MDN1: variants seen among roughly 807,000 people sequenced by gnomAD.
MDN1 encodes the protein midasin.
Under a neutral mutation model 669.2 loss-of-function variants are expected in MDN1, and 266 were observed. The observed-to-expected ratio is 0.40, with a 90% CI of 0.36 to 0.44. The LOEUF (loss-of-function observed/expected upper bound fraction) is 0.44. MDN1 is among the 20% of genes least tolerant of loss of function. The pLI, the probability that MDN1 is intolerant of heterozygous loss-of-function variation, is 1.00. For missense variants in MDN1, 5,940 were observed against 6,754.0 expected (o/e 0.88, Z 4.22); for synonymous variants, 2,385 against 2,457.1 (o/e 0.97, Z 0.87).
chr6:89,791,447 T>C (rs952238232), intron 5 of MDN1, among the ~76,000 whole-genome samples: 1 of 152,216 alleles, frequency 6.6e-6, no homozygotes, highest in Non-Finnish European at 1.5e-5. Flanking sequence ...TAAAATACTA[T>C]GATGCCTGGT....
At chr6:89,709,709 T>C (rs552498348) in intron 50 of MDN1, among the ~76,000 whole-genome samples, 1 of 152,326 alleles carries the variant, frequency 6.6e-6, no homozygotes, top group East Asian at 1.9e-4. Context: ...AGGTAGAAAA[T>C]TTTAAATCTG....
rs878918544 is a variant in MDN1, at chr6:89,707,226, G to A, written c.8014+135C>T. 9.3e-6 allele frequency: 6 copies of A among 643,972 alleles called. No individual in the cohort carries two copies. In the South Asian group the frequency reaches 9.5e-5, roughly 10 times the overall value. The allele number at this position is 643,972 out of a possible 1,614,324, so 39.9% of individuals were successfully genotyped here. A position where few individuals can be genotyped will look rare whatever the true frequency, so the allele number is the denominator to read the frequency against. ...TGTTAGTCATTACTATTGAGTAAGG[G>A]GACATGTTTAAAATCAGGCCAGCAG... On this transcript the variant is annotated intron_variant, in intron 52 of 101. Transcript: ENST00000369393.
At chr6:89,753,741 T>A in intron 21 of MDN1, 119 bp from the exon 22 acceptor site, 2 of 830,420 alleles carry the variant, frequency 2.4e-6, no homozygotes, top group Non-Finnish European at 4.0e-6. Context: ...TTAAATATAG[T>A]AAGGTGGTAG....
chr6:89,782,383 T>G (rs1818718319), intron 9 of MDN1, among the ~76,000 whole-genome samples: 1 of 151,758 alleles, frequency 6.6e-6, no homozygotes, highest in African/African-American at 2.4e-5. Context: ...ATTGCCTGAG[T>G]CCAAGAGTTT....
intron 88 of MDN1, among the ~76,000 whole-genome samples, chr6:89,660,560 G>A (rs544642592): frequency 3.3e-5 from 5 of 150,796 alleles, no homozygotes; most frequent in Non-Finnish European, 5.9e-5. Flanking sequence ...GTTACAAAAC[G>A]AGTCTGGCTA....
chr6:89,813,139 C>T (rs939954625), intron 1 of MDN1, among the ~76,000 whole-genome samples: 3 of 152,128 alleles, frequency 2.0e-5, no homozygotes, highest in Admixed American at 6.5e-5. Flanking sequence ...GGGGTTTCTC[C>T]ATGTTGGTCA....
rs1208256975 is a variant in MDN1, at chr6:89,790,199, TGAG to T, written c.1055_1057del (p.Pro352del). 1.2e-6 allele frequency: 2 copies of T among 1,614,178 alleles called. No homozygotes were observed. Among genetic ancestry groups the T allele is most frequent in the Non-Finnish European group, 1.7e-6 (2 of 1,180,040 alleles). ...ATCTCCAAGCTGGACTTTGAGAAGCTGAGGAGGCTTTGTTCTACCTGTCACTGC... is the reference window on the plus strand; with the variant it reads ...ATCTCCAAGCTGGACTTTGAGAAGCTGAGGCTTTGTTCTACCTGTCACTGC... On this transcript the variant is annotated inframe_deletion, in exon 6 of 102. Transcript: ENST00000369393.
chr6:89,803,218 T>A, intron 2 of MDN1, 110 bp downstream of exon 2: 2 of 897,912 alleles, frequency 2.2e-6, no homozygotes, highest in Non-Finnish European at 3.6e-6. Flanking sequence ...TTTATCTCTC[T>A]CCTTTCTGTA....
Position 89,751,377 on chromosome 6 carries a change from A to G in MDN1, c.3227+54T>C, listed in dbSNP as rs750557190. On this transcript the variant is annotated intron_variant, in intron 23 of 101. Coordinates refer to ENST00000369393, the MANE Select transcript of MDN1 (RefSeq NM_014611.3). ...GTTAAGGAAGTTAGACCAAAATGTC[A>G]TCAATGCCTATGCCTGTATCAAGTT... The G allele has an allele frequency of 4.6e-5, 74 of 1,602,854 alleles. No individual in the cohort carries two copies. The South Asian group carries it at 6.2e-4, about 13-fold the overall frequency.
At chr6:89,759,877 G>C (rs1431980253) in intron 17 of MDN1, among the ~76,000 whole-genome samples, 2 of 151,428 alleles carry the variant, frequency 1.3e-5, no homozygotes, top group East Asian at 3.9e-4. Context: ...TTCAACACCA[G>C]CCTGGCCAAC....
At chr6:89,801,152 T>C (rs958649576) in intron 2 of MDN1, among the ~76,000 whole-genome samples, 3 of 152,154 alleles carry the variant, frequency 2.0e-5, no homozygotes, top group Non-Finnish European at 2.9e-5. Flanking sequence ...TCCCAGCACT[T>C]TGGGAGGCCA....
Position 89,732,581 on chromosome 6 carries a change from C to A in MDN1, c.4918G>T (p.Val1640Leu). ...VTSFVHAACL[V>L]YIDGIGSGVT... ...CCTGAACCTATTCCATCTATGTACA[C>A]CAGGCATGCAGCATGGACAAAAGAT... The change falls in exon 34 of 102, where the codon GTG becomes TTG. Residue 1640 changes from valine to leucine, a missense_variant. Val to Leu is a conservative substitution (Grantham distance 32). This residue lies in a region of MDN1 where 2,292 missense variants were observed against 2,638.3 expected (regional missense o/e 0.87). Coordinates refer to ENST00000369393, the MANE Select transcript of MDN1 (RefSeq NM_014611.3). 4.3e-6 allele frequency: 7 copies of A among 1,614,146 alleles called. No homozygotes were observed. Among genetic ancestry groups the A allele is most frequent in the Non-Finnish European group, 5.9e-6 (7 of 1,180,010 alleles).
chr6:89,734,689 A>AT (rs1562157852), intron 33 of MDN1, among the ~76,000 whole-genome samples: 2 of 33,132 alleles, frequency 6.0e-5, no homozygotes, highest in East Asian at 2.9e-3. Flanking sequence ...AAAAAAAAAA[A>AT]CAAGAGAGAG....
At chr6:89,650,603 G>T in intron 96 of MDN1, 129 bp downstream of exon 96, 1 of 676,416 alleles carries the variant, frequency 1.5e-6, no homozygotes, top group East Asian at 2.6e-5. Flanking sequence ...ACAGCATACT[G>T]GTGCCTGTAC....
Position 89,711,962 on chromosome 6 carries a change from C to T in MDN1, c.7651+74G>A, listed in dbSNP as rs1279618733. On this transcript the variant is annotated intron_variant, in intron 49 of 101. Transcript: ENST00000369393. ...TTAACAGTGTAGTCACAGATTAACA[C>T]AGCTGCTGAGGCACTTAAATAGCAT... 2.3e-6 allele frequency: 3 copies of T among 1,314,898 alleles called. No homozygotes were observed. In the East Asian group the frequency reaches 7.0e-5, roughly 31 times the overall value. The allele number at this position is 1,314,898 out of a possible 1,614,324, so 81.5% of individuals were successfully genotyped here. A position where few individuals can be genotyped will look rare whatever the true frequency, so the allele number is the denominator to read the frequency against.
chr6:89,781,376 GA>G, intron 10 of MDN1, 22 bp downstream of exon 10: 1 of 1,603,486 alleles, frequency 6.2e-7, no homozygotes, highest in Non-Finnish European at 8.5e-7. Context: ...AGAAAGAAAA[GA>G]AAAAACTGTT....
chr6:89,677,546 A>G (rs1180604966), intron 76 of MDN1, 24 bp downstream of exon 76: 2 of 1,612,122 alleles, frequency 1.2e-6, no homozygotes, highest in East Asian at 4.5e-5. Context: ...AAGTAGGGAA[A>G]AAACAAAACA....
intron 97 of MDN1, among the ~76,000 whole-genome samples, chr6:89,649,781 C>T (rs1808725390): frequency 6.6e-6 from 1 of 152,106 alleles, no homozygotes; most frequent in Non-Finnish European, 1.5e-5. Flanking sequence ...AAAAGACCTA[C>T]AACAGTAAGA....
chr6:89,788,766 C>G (rs747184753), intron 7 of MDN1, among the ~76,000 whole-genome samples: 1 of 152,106 alleles, frequency 6.6e-6, no homozygotes, highest in Non-Finnish European at 1.5e-5. Context: ...ATTCAGGTAA[C>G]AAAGGCAAGA....
Sources: allele counts gnomAD v4.1 joint callset (sites outside exome capture counted in the v4.1 genomes callset), GRCh38; gene constraint gnomAD v4.1.1; regional missense constraint gnomAD v4.1.1; transcripts MANE v1.5; gene names NCBI Gene and HGNC (gene_info 2026-07-23, HGNC 2026-07-21).